GRID2: variants seen among roughly 807,000 people sequenced by gnomAD.
The protein encoded by GRID2 is glutamate ionotropic receptor delta type subunit 2.
GRID2 carries 33 observed loss-of-function variants against 114.8 expected under a neutral mutation model. That is an observed-to-expected ratio of 0.29 (90% CI 0.22 to 0.38). GRID2 has a LOEUF of 0.38. GRID2 is among the 10% of genes least tolerant of loss of function. The pLI is 1.00. For synonymous variants in GRID2, 505 were observed against 449.9 expected (o/e 1.12, Z -1.55); for missense variants, 1,184 against 1,257.7 (o/e 0.94, Z 0.89).
chr4:92,740,764 A>T (rs1736858066), intron 2 of GRID2, among the ~76,000 whole-genome samples: 1 of 151,366 alleles, frequency 6.6e-6, no homozygotes, highest in South Asian at 2.1e-4. Context: ...AGACAGATAG[A>T]TAGATAGAGT....
At position 93,773,799 on chromosome 4, in the gene GRID2, A is replaced by G. The variant is rs1263176362; in HGVS notation, c.*1301A>G. On this transcript the variant is annotated 3_prime_UTR_variant, in exon 16 of 16. Transcript: ENST00000282020. ...ATAACCATAATGGGCTCTCAACTCA[A>G]CTCCCTTTTTTATTTAGTTCTATTT... is the stretch of plus-strand genomic sequence containing the variant. 6.6e-6 allele frequency: 1 copy of G among 151,826 alleles called. No individual in the cohort carries two copies. The highest frequency in any genetic ancestry group is 1.5e-5 in the Non-Finnish European group (1 of 67,928). The allele number at this position is 151,826 out of a possible 1,614,324, so 9.4% of individuals were successfully genotyped here.
At chr4:92,807,701 A>G (rs1460436512) in intron 2 of GRID2, among the ~76,000 whole-genome samples, 3 of 152,050 alleles carry the variant, frequency 2.0e-5, no homozygotes, top group Non-Finnish European at 4.4e-5. Context: ...TGCTGAAGAA[A>G]TAATAAGACG....
At chr4:92,634,375 C>T (rs1579728317) in intron 2 of GRID2, among the ~76,000 whole-genome samples, 1 of 152,256 alleles carries the variant, frequency 6.6e-6, no homozygotes, top group East Asian at 1.9e-4. Context: ...ACTCTTAAAA[C>T]TTCCACAGCT....
intron 1 of GRID2, among the ~76,000 whole-genome samples, chr4:92,530,735 T>TG (rs749144668): frequency 1.2e-3 from 151 of 126,614 alleles, no homozygotes; most frequent in African/African-American, 4.3e-3. Context: ...CCCCCTCTAC[T>TG]AAAAAAAAAA....
chr4:93,115,539 A>T (rs972640066), intron 4 of GRID2, among the ~76,000 whole-genome samples: 4 of 152,112 alleles, frequency 2.6e-5, no homozygotes, highest in African/African-American at 9.7e-5. Flanking sequence ...TGTTCCTAAT[A>T]ATATCTAATG....
At chr4:93,089,700 T>C (rs1730614910) in intron 3 of GRID2, among the ~76,000 whole-genome samples, 2 of 152,190 alleles carry the variant, frequency 1.3e-5, no homozygotes, top group South Asian at 4.1e-4. Context: ...TTTTGTGATG[T>C]AATGCTGTCA....
intron 2 of GRID2, among the ~76,000 whole-genome samples, chr4:92,673,346 A>G (rs888298584): frequency 2.6e-5 from 4 of 152,152 alleles, no homozygotes; most frequent in Non-Finnish European, 4.4e-5. Flanking sequence ...GTGGACATCC[A>G]CTTCATTTCT....
At chr4:92,763,313 G>A (rs1251487252) in intron 2 of GRID2, among the ~76,000 whole-genome samples, 1 of 152,094 alleles carries the variant, frequency 6.6e-6, no homozygotes, top group Non-Finnish European at 1.5e-5. Context: ...ACAACTGAAT[G>A]ATAGGACAAG....
chr4:93,060,260 A>T (rs1389421037), intron 2 of GRID2, among the ~76,000 whole-genome samples: 1 of 152,102 alleles, frequency 6.6e-6, no homozygotes, highest in East Asian at 1.9e-4. Flanking sequence ...TGTCATAGCT[A>T]TGTTGATTCA....
intron 4 of GRID2, among the ~76,000 whole-genome samples, chr4:93,155,398 T>C (rs779374752): frequency 6.6e-6 from 1 of 151,966 alleles, no homozygotes; most frequent in Non-Finnish European, 1.5e-5. Flanking sequence ...TTTATCCTTT[T>C]ATACTAAGTT....
rs1752157251 is a variant in GRID2 at position 93,277,289 on chromosome 4, A to G, written c.1245+38799A>G. Among the ~76,000 whole-genome samples the G allele has an allele frequency of 2.6e-5, 4 of 151,986 alleles. 1 individual carries two copies. In the South Asian group the frequency reaches 8.3e-4, roughly 31 times the overall value. ...ATACTGATAATTGTAACACAATGAA[A>G]CATAAGCAGGGACCTGACACTGGCA... On this transcript the variant is annotated intron_variant, in intron 8 of 15. Coordinates refer to ENST00000282020, the MANE Select transcript of GRID2 (RefSeq NM_001510.4).
At chr4:92,826,834 A>T (rs898283541) in intron 2 of GRID2, among the ~76,000 whole-genome samples, 6 of 152,084 alleles carry the variant, frequency 3.9e-5, no homozygotes, top group African/African-American at 7.2e-5. Flanking sequence ...AGACTTAGGC[A>T]ATCTGATTTT....
At chr4:92,885,580 C>G (rs1185677780) in intron 2 of GRID2, among the ~76,000 whole-genome samples, 1 of 152,156 alleles carries the variant, frequency 6.6e-6, no homozygotes, top group Admixed American at 6.5e-5. Flanking sequence ...AAACATATTC[C>G]TTGCTTTTGT....
At chr4:92,879,190 ATCTT>A (rs2149455082) in intron 2 of GRID2, among the ~76,000 whole-genome samples, 1 of 152,292 alleles carries the variant, frequency 6.6e-6, no homozygotes, top group African/African-American at 2.4e-5. Flanking sequence ...TAATGATACT[ATCTT>A]TCTAAGTATA....
At chr4:93,554,716 C>T (rs1734134594) in intron 13 of GRID2, among the ~76,000 whole-genome samples, 1 of 152,130 alleles carries the variant, frequency 6.6e-6, no homozygotes, top group Admixed American at 6.5e-5. Flanking sequence ...ATCCTCCTGC[C>T]TCAGCCTCAG....
At chr4:92,960,194 C>T (rs938448208) in intron 2 of GRID2, among the ~76,000 whole-genome samples, 1 of 151,786 alleles carries the variant, frequency 6.6e-6, no homozygotes, top group Non-Finnish European at 1.5e-5. Context: ...ATGTGGTTTA[C>T]CTTGGTGAAT....
chr4:93,787,762 C>T (rs187882990), intron 1 of GRID2, among the ~76,000 whole-genome samples: 1 of 152,066 alleles, frequency 6.6e-6, no homozygotes, highest in Non-Finnish European at 1.5e-5. Context: ...TTGAATGGAA[C>T]GATTGATTAA....
chr4:93,287,139 T>G (rs555253059), intron 8 of GRID2, among the ~76,000 whole-genome samples: 2 of 152,302 alleles, frequency 1.3e-5, no homozygotes, highest in South Asian at 4.1e-4. Flanking sequence ...AAGCAGATAC[T>G]GTAGCTTAGC....
At chr4:92,854,941 T>A (rs2149427543) in intron 2 of GRID2, among the ~76,000 whole-genome samples, 1 of 152,190 alleles carries the variant, frequency 6.6e-6, no homozygotes, top group South Asian at 2.1e-4. Context: ...GAAATAATAT[T>A]TTGTGTTTTC....
Sources: allele counts gnomAD v4.1 joint callset (sites outside exome capture counted in the v4.1 genomes callset), GRCh38; gene constraint gnomAD v4.1.1; transcripts MANE v1.5; gene names NCBI Gene and HGNC (gene_info 2026-07-23, HGNC 2026-07-21).